Variants in ALDH9A1 observed in about 807,000 individuals in gnomAD.
ALDH9A1 encodes aldehyde dehydrogenase 9 family member A1, also known as 4-trimethylaminobutyraldehyde dehydrogenase.
A neutral mutation model predicts 56.6 loss-of-function variants in ALDH9A1; 42 were observed. That is an observed-to-expected ratio of 0.74 (90% CI 0.58 to 0.96). The LOEUF is 0.96. Ranked by LOEUF, ALDH9A1 falls within the 40% of genes least tolerant of loss-of-function variation. ALDH9A1 has a pLI of 0.00. For missense variants in ALDH9A1, 661 were observed against 651.5 expected (o/e 1.01, Z -0.16); for synonymous variants, 242 against 236.0 (o/e 1.03, Z -0.23).
intron 1 of ALDH9A1, among the ~76,000 whole-genome samples, chr1:165,695,835 T>C (rs1208620055): frequency 1.3e-5 from 2 of 151,716 alleles, no homozygotes; most frequent in East Asian, 3.9e-4. Flanking sequence ...ATCTCTATAC[T>C]AGCAGGTTTT....
At chr1:165,663,532 C>G in intron 10 of ALDH9A1, among the ~76,000 whole-genome samples, 1 of 152,208 alleles carries the variant, frequency 6.6e-6, no homozygotes, top group East Asian at 1.9e-4. Flanking sequence ...TAGGCTTATT[C>G]ACCATTTCTT....
intron 6 of ALDH9A1, among the ~76,000 whole-genome samples, chr1:165,670,241 G>A (rs998118473): frequency 6.6e-6 from 1 of 151,924 alleles, no homozygotes; most frequent in African/African-American, 2.4e-5. Context: ...AAAATCAGCT[G>A]GGGCAACATG....
chr1:165,693,169 A>T (rs915882322), intron 2 of ALDH9A1, among the ~76,000 whole-genome samples: 1 of 152,214 alleles, frequency 6.6e-6, no homozygotes, highest in Non-Finnish European at 1.5e-5. Flanking sequence ...GGACTTCATG[A>T]CTAAAACACC....
intron 6 of ALDH9A1, among the ~76,000 whole-genome samples, chr1:165,673,344 T>C (rs10918235): frequency 0.23 from 34,619 of 152,130 alleles, 5,200 homozygotes; most frequent in East Asian, 0.8. Flanking sequence ...CTTGGTATAC[T>C]GCTGGTGAGA....
chr1:165,662,908 A>G lies in ALDH9A1; in HGVS notation c.*142T>C, dbSNP rs1648887229. 2 of 676,128 alleles carry G rather than the reference A, an allele frequency of 3.0e-6. No individual in the cohort carries two copies. Among genetic ancestry groups the G allele is most frequent in the Admixed American group, 4.9e-5 (2 of 40,642 alleles). The allele number at this position is 676,128 out of a possible 1,614,324, so 41.9% of individuals were successfully genotyped here. ...TCAGTGAGGAAGCTGATGGAGAGAGAAAGAGTAACATGAACCATTCTCTTA... is the reference window on the plus strand; with the variant it reads ...TCAGTGAGGAAGCTGATGGAGAGAGGAAGAGTAACATGAACCATTCTCTTA... On this transcript the variant is annotated 3_prime_UTR_variant, in exon 11 of 11. Transcript: ENST00000354775.
rs1648886376 is a variant in ALDH9A1, at chr1:165,662,896, T to C, written c.*154A>G. 6.2e-6 allele frequency: 4 copies of C among 641,086 alleles called. No homozygotes were observed. The highest frequency in any genetic ancestry group is 1.1e-5 in the Non-Finnish European group (4 of 359,774). 39.7% of individuals were successfully genotyped at this position (641,086 alleles called of 1,614,324 possible). On this transcript the variant is annotated 3_prime_UTR_variant, in exon 11 of 11. Transcript: ENST00000354775. The stretch of plus-strand genomic sequence containing the variant: ...TAATGCACATTTTCAGTGAGGAAGC[T>C]GATGGAGAGAGAAAGAGTAACATGA...
intron 2 of ALDH9A1, among the ~76,000 whole-genome samples, chr1:165,692,654 G>A (rs1204712941): frequency 6.6e-6 from 1 of 152,072 alleles, no homozygotes; most frequent in Non-Finnish European, 1.5e-5. Flanking sequence ...GTAATTTATA[G>A]ATTTAATGCC....
chr1:165,689,729 T>G (rs1472378956), intron 2 of ALDH9A1, among the ~76,000 whole-genome samples: 2 of 151,624 alleles, frequency 1.3e-5, no homozygotes, highest in Admixed American at 1.3e-4. Flanking sequence ...AGGTCAGGAG[T>G]TTGAGACGAG....
At chr1:165,681,935 G>A (rs1330664274) in intron 4 of ALDH9A1, among the ~76,000 whole-genome samples, 172 bp downstream of exon 4, 1 of 152,122 alleles carries the variant, frequency 6.6e-6, no homozygotes, top group Non-Finnish European at 1.5e-5. Flanking sequence ...GCTCCTTGAG[G>A]GGCAAGACAG....
intron 3 of ALDH9A1, 103 bp from the exon 4 acceptor site, chr1:165,682,344 C>T (rs2101748663): frequency 8.0e-7 from 1 of 1,256,298 alleles, no homozygotes; most frequent in East Asian, 2.4e-5. Flanking sequence ...CGCAGCCTCC[C>T]CACTTCTCCC....
At chr1:165,672,972 A>ACAC (rs1649227819) in intron 6 of ALDH9A1, among the ~76,000 whole-genome samples, 20 of 124,260 alleles carry the variant, frequency 1.6e-4, no homozygotes, top group African/African-American at 5.2e-4. Context: ...AAAAAATACA[A>ACAC]ACACACACAC....
intron 2 of ALDH9A1, among the ~76,000 whole-genome samples, chr1:165,683,985 G>A (rs1649632659): frequency 6.6e-6 from 1 of 152,148 alleles, no homozygotes; most frequent in Non-Finnish European, 1.5e-5. Context: ...CTGACAAGAA[G>A]GAACATTCTG....
intron 6 of ALDH9A1, among the ~76,000 whole-genome samples, chr1:165,677,194 G>GA (rs1272374569): frequency 6.6e-6 from 1 of 151,768 alleles, no homozygotes; most frequent in Non-Finnish European, 1.5e-5. Context: ...CCAACACAGT[G>GA]AAACCCCGTC....
intron 2 of ALDH9A1, among the ~76,000 whole-genome samples, chr1:165,693,658 G>A (rs932989646): frequency 6.6e-5 from 10 of 152,164 alleles, no homozygotes; most frequent in African/African-American, 1.9e-4. Flanking sequence ...ACAGTGTGGC[G>A]ATTCCTCAAA....
chr1:165,674,916 A>G (rs1649300170), intron 6 of ALDH9A1, among the ~76,000 whole-genome samples: 2 of 152,154 alleles, frequency 1.3e-5, no homozygotes, highest in South Asian at 4.1e-4. Context: ...GGCTCATGCC[A>G]GGCGTGGTGG....
intron 2 of ALDH9A1, 139 bp downstream of exon 2, chr1:165,695,108 ATATAC>A (rs1650028859): frequency 1.2e-6 from 1 of 866,594 alleles, no homozygotes; most frequent in Admixed American, 3.6e-5. Flanking sequence ...AACTTGTTTT[ATATAC>A]TAAGGTGAGC....
intron 9 of ALDH9A1, among the ~76,000 whole-genome samples, chr1:165,666,041 G>C (rs575373307): frequency 6.6e-6 from 1 of 152,162 alleles, no homozygotes; most frequent in East Asian, 1.9e-4. Context: ...AACAAAAAGT[G>C]GTACATATCC....
chr1:165,665,191 G>T, intron 9 of ALDH9A1, 61 bp from the exon 10 acceptor site: 1 of 1,301,444 alleles, frequency 7.7e-7, no homozygotes, highest in Non-Finnish European at 1.1e-6. Flanking sequence ...ACTTTAACAG[G>T]AAAAGTTACA....
At chr1:165,691,225 G>A (rs532695697) in intron 2 of ALDH9A1, among the ~76,000 whole-genome samples, 10 of 152,304 alleles carry the variant, frequency 6.6e-5, no homozygotes, top group South Asian at 2.1e-4. Context: ...TACAGCCTCC[G>A]CTGGTGATAC....
Sources: gnomAD v4.1 joint callset for allele counts (sites outside exome capture counted in the v4.1 genomes callset) on GRCh38, gnomAD v4.1.1 for gene constraint, MANE v1.5 for transcripts, NCBI Gene and HGNC (gene_info 2026-07-23, HGNC 2026-07-21) for gene names.